Variants in SLF1 observed in about 807,000 individuals in gnomAD.
SLF1 encodes SMC5-SMC6 complex localization factor protein 1.
Under a neutral mutation model 123.0 loss-of-function variants are expected in SLF1, and 105 were observed. The observed-to-expected ratio is 0.85, with a 90% confidence interval of 0.73 to 1.00. The LOEUF (loss-of-function observed/expected upper bound fraction) is 1.00, where lower values mean the gene tolerates loss of function less well. SLF1 is among the 50% of genes least tolerant of loss of function. The probability of loss-of-function intolerance (pLI) is 0.00; values close to 1 mark genes in which losing one functional copy is unlikely to be tolerated. For missense variants in SLF1, 1,239 were observed against 1,223.0 expected, an observed-to-expected ratio of 1.01 and a Z score of -0.20; for synonymous variants, 434 against 406.6, an observed-to-expected ratio of 1.07 and a Z score of -0.81.
intron 3 of SLF1, among the ~76,000 whole-genome samples, chr5:94,629,415 A>G (rs201678830): frequency 1.2e-5 from 1 of 80,618 alleles, no homozygotes; most frequent in African/African-American, 4.6e-5. Flanking sequence ...TGTTTAAGAC[A>G]AAAAAAAAAT....
At chr5:94,667,325 T>TA (rs1184169233) in intron 12 of SLF1, among the ~76,000 whole-genome samples, 1 of 152,112 alleles carries the variant, frequency 6.6e-6, no homozygotes, top group Non-Finnish European at 1.5e-5. Flanking sequence ...TGTGAGAAAA[T>TA]AGAGTTTATG....
chr5:94,662,335 C>T lies in SLF1; in HGVS notation c.1193C>T (p.Pro398Leu). The T allele has an allele frequency of 1.3e-6, 2 of 1,549,324 alleles. No homozygotes were observed. Among genetic ancestry groups the T allele is most frequent in the South Asian group, 1.2e-5 (1 of 83,662 alleles). Reference protein sequence around the residue: ...RYNCIRIDKQPVYNVEVKNAE... With the variant: ...RYNCIRIDKQLVYNVEVKNAE... ...AACTGCATTAGAATAGATAAACAAC[C>T]AGTGTACAACGTAGAGGTAAGGGGC... The change falls in exon 10 of 21, where the codon CCA becomes CTA. Residue 398 changes from proline (P) to leucine (L), a missense_variant. Transcript: ENST00000265140.
Position 94,628,482 on chromosome 5 carries a change from T to G in SLF1, c.1-329T>G, listed in dbSNP as rs557022339. On this transcript the variant is annotated intron_variant, in intron 1 of 20. Transcript: ENST00000265140. ...AGCTTGTATAACATTATTATGCCAGTATTTGTATAACATTCTATCATTTTC... is the reference window on the plus strand; with the variant it reads ...AGCTTGTATAACATTATTATGCCAGGATTTGTATAACATTCTATCATTTTC... Among the ~76,000 whole-genome samples, 5 of 152,358 alleles carry G rather than the reference T, an allele frequency of 3.3e-5. No individual in the cohort carries two copies. In the East Asian group the frequency reaches 9.6e-4, roughly 29 times the overall value.
intron 7 of SLF1, 90 bp from the exon 8 acceptor site, chr5:94,653,181 AT>A: frequency 8.1e-7 from 1 of 1,240,268 alleles, no homozygotes; most frequent in South Asian, 1.5e-5. Flanking sequence ...TTTAATGTGT[AT>A]GAAAGTATGA....
At chr5:94,662,205 C>G (rs761350188) in intron 9 of SLF1, 93 bp from the exon 10 acceptor site, 9 of 1,013,870 alleles carry the variant, frequency 8.9e-6, no homozygotes, top group Non-Finnish European at 1.3e-5. Flanking sequence ...GTTCCTGGAT[C>G]TGTTTTATAT....
rs1044251414 is a variant in SLF1 at position 94,656,416 on chromosome 5, A to G, written c.1155+1664A>G. Among the ~76,000 whole-genome samples, 5 of 151,832 alleles carry G rather than the reference A, an allele frequency of 3.3e-5. 1 individual carries two copies. The highest frequency in any genetic ancestry group is 1.2e-4 in the African/African-American group (5 of 41,378). On this transcript the variant is annotated intron_variant, in intron 9 of 20. Coordinates refer to ENST00000265140, the MANE Select transcript of SLF1 (RefSeq NM_032290.4). ...CTAGCATTTTGTTAAGGATTTTTGC[A>G]TCTGCTTTTCTCAGGGATATTGCCC...
chr5:94,654,218 T>C (rs928976126), intron 8 of SLF1, among the ~76,000 whole-genome samples: 6 of 151,974 alleles, frequency 3.9e-5, no homozygotes, highest in African/African-American at 1.5e-4. Flanking sequence ...TATGTATATA[T>C]GCATATATTC....
At chr5:94,637,803 C>G (rs990129342) in intron 4 of SLF1, among the ~76,000 whole-genome samples, 1 of 152,054 alleles carries the variant, frequency 6.6e-6, no homozygotes, top group Non-Finnish European at 1.5e-5. Context: ...AACTAGCCCC[C>G]ACTCTGCCGA....
At chr5:94,694,642 T>A (rs1753389585) in intron 20 of SLF1, among the ~76,000 whole-genome samples, 189 bp from the exon 21 acceptor site, 1 of 151,888 alleles carries the variant, frequency 6.6e-6, no homozygotes, top group Non-Finnish European at 1.5e-5. Flanking sequence ...TATTAGGTAA[T>A]TGACTAGAAT....
At chr5:94,654,240 A>T (rs943846450) in intron 8 of SLF1, among the ~76,000 whole-genome samples, 16 of 152,286 alleles carry the variant, frequency 1.1e-4, no homozygotes, top group African/African-American at 3.8e-4. Flanking sequence ...GAAGAATTTC[A>T]GGAAAATGAT....
At chr5:94,645,757 A>G (rs1746954914) in intron 5 of SLF1, among the ~76,000 whole-genome samples, 1 of 152,204 alleles carries the variant, frequency 6.6e-6, no homozygotes, top group Admixed American at 6.5e-5. Flanking sequence ...TTGTTTTATA[A>G]GTTCTGGATC....
At chr5:94,678,128 G>A (rs966419899) in intron 14 of SLF1, among the ~76,000 whole-genome samples, 4 of 152,024 alleles carry the variant, frequency 2.6e-5, no homozygotes, top group African/African-American at 9.7e-5. Context: ...CACCGTGTTA[G>A]CCAGGATAGT....
intron 10 of SLF1, 132 bp from the exon 11 acceptor site, chr5:94,663,618 C>T: frequency 1.2e-6 from 1 of 816,828 alleles, no homozygotes; most frequent in Non-Finnish European, 1.8e-6. Flanking sequence ...GCATTCCAGC[C>T]TGGGTAACAG....
At chr5:94,632,342 G>A (rs1745302400) in intron 4 of SLF1, among the ~76,000 whole-genome samples, 1 of 152,062 alleles carries the variant, frequency 6.6e-6, no homozygotes, top group Admixed American at 6.5e-5. Context: ...TCTTAACTTA[G>A]TCTTTTTAAA....
intron 1 of SLF1, among the ~76,000 whole-genome samples, chr5:94,626,223 AGCCTGG>A (rs1249792629): frequency 4.0e-5 from 6 of 151,150 alleles, no homozygotes; most frequent in African/African-American, 1.2e-4. Context: ...ATTGCACTCC[AGCCTGG>A]GCGACAGAGT....
At chr5:94,638,342 T>C in intron 4 of SLF1, among the ~76,000 whole-genome samples, 1 of 151,994 alleles carries the variant, frequency 6.6e-6, no homozygotes, top group East Asian at 1.9e-4. Context: ...CCACGCCAGC[T>C]AATTTTTTTT....
intron 11 of SLF1, 101 bp from the exon 12 acceptor site, chr5:94,665,759 GA>G: frequency 9.1e-7 from 1 of 1,093,588 alleles, no homozygotes; most frequent in Non-Finnish European, 1.3e-6. Flanking sequence ...TCTCAAAAAA[GA>G]AAGTTAGGCC....
chr5:94,639,763 C>T (rs190869547), intron 4 of SLF1, among the ~76,000 whole-genome samples: 2 of 152,274 alleles, frequency 1.3e-5, no homozygotes, highest in East Asian at 3.9e-4. Context: ...TCATCATAAA[C>T]GTCTTCATCC....
chr5:94,695,147 T>C lies in SLF1; in HGVS notation c.3012T>C (p.Thr1004=). The part of the protein sequence containing the change: ...KSHKETTSVH[T]DWLLDLYAGN... ...ATAAAGAAACCACCAGTGTTCATAC[T>C]GACTGGTTACTGGATCTTTATGCTG... The change falls in exon 21 of 21, where the codon ACT becomes ACC. Residue 1004 remains threonine (T), a synonymous_variant. Coordinates refer to ENST00000265140, the MANE Select transcript of SLF1 (RefSeq NM_032290.4). 4 of 1,612,808 alleles carry C rather than the reference T, an allele frequency of 2.5e-6. No individual in the cohort carries two copies. The South Asian group carries it at 4.4e-5, about 18-fold the overall frequency.
Sources: allele counts gnomAD v4.1 joint callset (sites outside exome capture counted in the v4.1 genomes callset), GRCh38; gene constraint gnomAD v4.1.1; transcripts MANE v1.5; gene names NCBI Gene and HGNC (gene_info 2026-07-23, HGNC 2026-07-21).